The following POU2F1 variants were observed in gnomAD, a reference collection of about 807,000 sequenced individuals.
The protein encoded by POU2F1 is POU domain, class 2, transcription factor 1.
Under a neutral mutation model 84.9 loss-of-function variants are expected in POU2F1, and 16 were observed. The ratio of observed to expected loss-of-function variants is 0.19; its 90% CI spans 0.13 to 0.29. The LOEUF is 0.29. POU2F1 is among the 10% of genes least tolerant of loss of function. The pLI is 1.00. For missense variants in POU2F1, 738 were observed against 942.6 expected, an observed-to-expected ratio of 0.78 and a Z score of 2.84; for synonymous variants, 368 against 368.3, an observed-to-expected ratio of 1.00 and a Z score of 0.01.
intron 1 of POU2F1, among the ~76,000 whole-genome samples, chr1:167,299,163 CAAAAAAAA>C (rs71073663): frequency 0.062 from 6,005 of 96,860 alleles, 169 homozygotes; most frequent in African/African-American, 0.13. Context: ...AACGCCATCT[CAAAAAAAA>C]AAAAAAAAAA....
intron 1 of POU2F1, chr1:167,329,394 A>G: frequency 1.4e-6 from 2 of 1,436,756 alleles, no homozygotes; most frequent in Admixed American, 2.0e-5. Flanking sequence ...TTAATCGCAT[A>G]TGCAGCCTGT....
intron 9 of POU2F1, among the ~76,000 whole-genome samples, chr1:167,391,354 A>G: frequency 6.6e-6 from 1 of 152,088 alleles, no homozygotes; most frequent in East Asian, 1.9e-4. Context: ...GGGTGCCTTT[A>G]TGGAATCAGG....
chr1:167,370,543 C>T (rs1397890782), intron 4 of POU2F1, among the ~76,000 whole-genome samples: 1 of 152,088 alleles, frequency 6.6e-6, no homozygotes, highest in Admixed American at 6.6e-5. Context: ...CAGTTTGTTT[C>T]CAAAAGACTT....
chr1:167,341,279 TA>T (rs1429566654), intron 2 of POU2F1, among the ~76,000 whole-genome samples: 2 of 152,150 alleles, frequency 1.3e-5, no homozygotes, highest in African/African-American at 4.8e-5. Flanking sequence ...GTAAAAAGGA[TA>T]TTTAAATATA....
chr1:167,310,982 C>T (rs1433668836), intron 1 of POU2F1, among the ~76,000 whole-genome samples: 1 of 152,066 alleles, frequency 6.6e-6, no homozygotes, highest in Non-Finnish European at 1.5e-5. Context: ...AATCAGTGGA[C>T]CCTCAGGGAC....
chr1:167,237,770 ATATTTTTTTTTTT>A (rs1649604612), intron 1 of POU2F1, among the ~76,000 whole-genome samples: 1 of 12,670 alleles, frequency 7.9e-5, no homozygotes, highest in African/African-American at 2.7e-4. Flanking sequence ...ATATATATAT[ATATTTTTTTTTTT>A]TTTTTTTTTT....
At position 167,388,630 on chromosome 1, in the gene POU2F1, A is replaced by G. The variant is rs189750826; in HGVS notation, c.814-958A>G. ...AAATACTCCTGATTTCAGTAGTCCAAGCTATCAAAGAGTAAGTCAGTGGTA... is the reference window on the plus strand; with the variant it reads ...AAATACTCCTGATTTCAGTAGTCCAGGCTATCAAAGAGTAAGTCAGTGGTA... On this transcript the variant is annotated intron_variant, in intron 8 of 15. Transcript: ENST00000367866. Among the ~76,000 whole-genome samples the G allele has an allele frequency of 3.0e-4, 45 of 152,288 alleles. 1 individual carries two copies. The highest frequency in any genetic ancestry group is 2.1e-3 in the South Asian group (10 of 4,830).
At chr1:167,221,549 G>C (rs1306153801) in intron 1 of POU2F1, among the ~76,000 whole-genome samples, 4 of 149,544 alleles carry the variant, frequency 2.7e-5, no homozygotes, top group Non-Finnish European at 6.0e-5. Context: ...CCCCGGGAGC[G>C]GGCCCGGGCG....
chr1:167,414,662 C>A (rs1650187587), intron 15 of POU2F1: 3 of 985,312 alleles, frequency 3.0e-6, no homozygotes, highest in Non-Finnish European at 3.6e-6. Context: ...ATTTCTCACC[C>A]ATTAAAGCAC....
rs1013684891 is a variant in POU2F1, at chr1:167,378,941, T to G, written c.718+2786T>G. ...CTAATTTTGACTTTTTTTTTTTTTT[T>G]GAGACAGAGTCTTGCTCTGTCACCC... On this transcript the variant is annotated intron_variant, in intron 7 of 15. Coordinates refer to ENST00000367866, the MANE Select transcript of POU2F1 (RefSeq NM_002697.4). 3.7e-4 allele frequency among the ~76,000 whole-genome samples: 56 copies of G among 150,818 alleles called. 1 individual carries two copies. Among genetic ancestry groups the G allele is most frequent in the Non-Finnish European group, 1.9e-4 (13 of 67,528 alleles).
intron 1 of POU2F1, among the ~76,000 whole-genome samples, chr1:167,330,594 A>C (rs1236347057): frequency 6.6e-6 from 1 of 152,150 alleles, no homozygotes; most frequent in African/African-American, 2.4e-5. Context: ...CAGTCTTCCC[A>C]TTGTGCAATT....
chr1:167,264,871 G>A (rs1031390153), intron 1 of POU2F1, among the ~76,000 whole-genome samples: 5 of 151,932 alleles, frequency 3.3e-5, no homozygotes, highest in African/African-American at 7.3e-5. Flanking sequence ...CATTTTACTC[G>A]GAGTAAATCT....
At chr1:167,406,448 A>C (rs1649579589) in intron 13 of POU2F1, among the ~76,000 whole-genome samples, 1 of 152,240 alleles carries the variant, frequency 6.6e-6, no homozygotes, top group Non-Finnish European at 1.5e-5. Context: ...TTCCCCACTA[A>C]GATTGAGAAT....
At chr1:167,365,446 A>AT in intron 2 of POU2F1, 21 bp from the exon 3 acceptor site, 1 of 1,517,268 alleles carries the variant, frequency 6.6e-7, no homozygotes. Flanking sequence ...AATAGTTGAA[A>AT]TTATTTTGCT....
Position 167,415,549 on chromosome 1 carries a change from G to C in POU2F1, c.2040G>C (p.Gly680=). The C allele has an allele frequency of 6.2e-7, 1 of 1,614,118 alleles. No individual in the cohort carries two copies. The highest frequency in any genetic ancestry group is 1.1e-5 in the South Asian group (1 of 91,072). ...SLPITSLDAT[G]NLVFANAGGA... ...CAATAACATCACTTGATGCAACTGG[G>C]AACCTGGTATTTGCCAATGCGGGAG... Residue 680 remains glycine, a synonymous_variant, in exon 16 of 16, where the codon GGG becomes GGC. Coordinates refer to ENST00000367866, the MANE Select transcript of POU2F1 (RefSeq NM_002697.4).
At chr1:167,383,745 A>G (rs1647738614) in intron 7 of POU2F1, 112 bp from the exon 8 acceptor site, 7 of 832,076 alleles carry the variant, frequency 8.4e-6, no homozygotes, top group Non-Finnish European at 1.4e-5. Context: ...TACCAGTAAG[A>G]CTACCAGAGA....
At chr1:167,367,785 C>T (rs965564369) in intron 3 of POU2F1, among the ~76,000 whole-genome samples, 2 of 151,692 alleles carry the variant, frequency 1.3e-5, no homozygotes, top group African/African-American at 2.4e-5. Context: ...TATGTATGTA[C>T]ACGTACAAAT....
At chr1:167,342,115 T>C (rs1288411313) in intron 2 of POU2F1, among the ~76,000 whole-genome samples, 2 of 152,062 alleles carry the variant, frequency 1.3e-5, no homozygotes. Context: ...AAGGCAACTT[T>C]TGGGCGCAAA....
At chr1:167,237,772 ATTTTTTT>A (rs1216931950) in intron 1 of POU2F1, among the ~76,000 whole-genome samples, 10 of 29,926 alleles carry the variant, frequency 3.3e-4, no homozygotes, top group South Asian at 2.5e-3. Context: ...ATATATATAT[ATTTTTTT>A]TTTTTTTTTT....
Sources: allele counts gnomAD v4.1 joint callset (sites outside exome capture counted in the v4.1 genomes callset), GRCh38; gene constraint gnomAD v4.1.1; transcripts MANE v1.5; gene names NCBI Gene and HGNC (gene_info 2026-07-23, HGNC 2026-07-21).